Variants in SUCLG2 observed in about 807,000 individuals in gnomAD.
SUCLG2 encodes succinate-CoA ligase GDP-forming subunit beta, also known as succinate--CoA ligase [GDP-forming] subunit beta, mitochondrial.
In SUCLG2, 42 loss-of-function variants were observed where a neutral mutation model predicts 47.9. That is an observed-to-expected ratio of 0.88 (90% CI 0.69 to 1.14). SUCLG2 has a LOEUF of 1.14. Among genes scored for constraint, SUCLG2 ranks in the 50% most tolerant of loss-of-function variants. SUCLG2 has a pLI of 0.00. For synonymous variants in SUCLG2, 195 were observed against 197.3 expected (o/e 0.99, Z 0.10); for missense variants, 571 against 525.9 (o/e 1.09, Z -0.84).
intron 9 of SUCLG2, among the ~76,000 whole-genome samples, chr3:67,477,841 T>C (rs983737954): frequency 6.6e-6 from 1 of 152,180 alleles, no homozygotes; most frequent in Non-Finnish European, 1.5e-5. Context: ...GAATGAATAC[T>C]TATTTTGTGG....
intron 6 of SUCLG2, among the ~76,000 whole-genome samples, chr3:67,511,498 G>A (rs901973236): frequency 6.6e-6 from 1 of 152,002 alleles, no homozygotes. Context: ...ATAAAGGGGG[G>A]GTTCCTCTGC....
At position 67,520,479 on chromosome 3, in the gene SUCLG2, T is replaced by C. The variant is rs1056978786; in HGVS notation, c.570+3A>G. The C allele has an allele frequency of 1.1e-5, 18 of 1,613,884 alleles. No homozygotes were observed. Among genetic ancestry groups the C allele is most frequent in the African/African-American group, 2.7e-5 (2 of 74,940 alleles). ...TAGCAGGTAGCCCGGAATTTAAACA[T>C]ACCTTAAAAATGAGCTCCGGGTTTG... is the stretch of plus-strand genomic sequence containing the variant. On this transcript the variant is annotated splice_donor_region_variant and intron_variant, in intron 5 of 10. Coordinates refer to ENST00000307227, the MANE Select transcript of SUCLG2 (RefSeq NM_003848.4).
chr3:67,461,116 G>A (rs114453627), intron 9 of SUCLG2, among the ~76,000 whole-genome samples: 45 of 152,112 alleles, frequency 3.0e-4, no homozygotes, highest in African/African-American at 1.0e-3. Context: ...CTATGACAAG[G>A]GACTGCTCTT....
chr3:67,636,277 A>G (rs1448011737), intron 1 of SUCLG2, among the ~76,000 whole-genome samples: 3 of 151,996 alleles, frequency 2.0e-5, no homozygotes, highest in Non-Finnish European at 4.4e-5. Context: ...CACACAAAGT[A>G]TGGTAATAGA....
chr3:67,542,018 C>A (rs748997531), intron 2 of SUCLG2, among the ~76,000 whole-genome samples: 5 of 151,908 alleles, frequency 3.3e-5, no homozygotes, highest in Non-Finnish European at 5.9e-5. Context: ...GGATTACAGG[C>A]ATGCACCACC....
chr3:67,585,830 T>C (rs781617049), intron 2 of SUCLG2, among the ~76,000 whole-genome samples: 30 of 151,596 alleles, frequency 2.0e-4, no homozygotes, highest in Non-Finnish European at 4.4e-4. Context: ...CGGGCATCCA[T>C]GTGGTGGGTG....
chr3:67,572,023 G>A (rs1394488338), intron 2 of SUCLG2, among the ~76,000 whole-genome samples: 2 of 152,188 alleles, frequency 1.3e-5, no homozygotes, highest in East Asian at 1.9e-4. Context: ...AAAGGAGATT[G>A]TAGTCCACCT....
intron 2 of SUCLG2, among the ~76,000 whole-genome samples, chr3:67,548,858 A>G (rs930657732): frequency 6.6e-5 from 10 of 152,182 alleles, no homozygotes; most frequent in Non-Finnish European, 1.0e-4. Context: ...AGAGGCACCC[A>G]ACAGGTATGA....
At chr3:67,437,802 A>C (rs929361746) in intron 9 of SUCLG2, among the ~76,000 whole-genome samples, 1 of 152,166 alleles carries the variant, frequency 6.6e-6, no homozygotes, top group African/African-American at 2.4e-5. Flanking sequence ...AGAATAATTT[A>C]ATTACTACCA....
chr3:67,579,985 T>C (rs1353834295), intron 2 of SUCLG2, among the ~76,000 whole-genome samples: 2 of 151,938 alleles, frequency 1.3e-5, no homozygotes, highest in East Asian at 3.9e-4. Flanking sequence ...ATCAAGGAGG[T>C]GAGTCAACAA....
chr3:67,520,729 A>G (rs889163871), intron 4 of SUCLG2, 95 bp from the exon 5 acceptor site: 21 of 1,417,998 alleles, frequency 1.5e-5, no homozygotes, highest in Non-Finnish European at 1.9e-5. Flanking sequence ...AAATGGCTTC[A>G]TTTTCAGGCT....
At chr3:67,433,801 T>TA (rs74541880) in intron 9 of SUCLG2, among the ~76,000 whole-genome samples, 2,942 of 134,708 alleles carry the variant, frequency 0.022, 28 homozygotes, top group Admixed American at 0.039. Context: ...CGGGATTTAG[T>TA]AAAAAAAAAA....
chr3:67,402,267 G>C (rs1488175076), intron 9 of SUCLG2, among the ~76,000 whole-genome samples: 1 of 152,126 alleles, frequency 6.6e-6, no homozygotes, highest in Non-Finnish European at 1.5e-5. Context: ...TACTTAATGG[G>C]TATTTACACT....
intron 1 of SUCLG2, among the ~76,000 whole-genome samples, chr3:67,610,956 T>C (rs549106842): frequency 6.6e-5 from 10 of 152,296 alleles, no homozygotes; most frequent in Admixed American, 2.6e-4. Context: ...CTTAAACTTC[T>C]CTGTATCTCT....
At chr3:67,528,277 T>A in intron 3 of SUCLG2, 55 bp from the exon 4 acceptor site, 1 of 1,511,518 alleles carries the variant, frequency 6.6e-7, no homozygotes. Flanking sequence ...ATCATTTAAA[T>A]GAGAGTCCTT....
chr3:67,367,328 A>G (rs934971065), intron 10 of SUCLG2, among the ~76,000 whole-genome samples: 1 of 152,212 alleles, frequency 6.6e-6, no homozygotes, highest in Non-Finnish European at 1.5e-5. Flanking sequence ...AGAACAGTAT[A>G]ACTTACATAA....
chr3:67,652,363 G>A (rs1009832069), intron 1 of SUCLG2, among the ~76,000 whole-genome samples: 1 of 152,160 alleles, frequency 6.6e-6, no homozygotes, highest in Non-Finnish European at 1.5e-5. Flanking sequence ...TATAAAATAG[G>A]TCTGGGCCAA....
intron 5 of SUCLG2, among the ~76,000 whole-genome samples, chr3:67,519,290 C>A (rs1322697519): frequency 2.0e-5 from 3 of 152,172 alleles, no homozygotes; most frequent in African/African-American, 7.2e-5. Context: ...TCTTACCTTG[C>A]ACCCTGTGCT....
chr3:67,490,313 G>A (rs912333739), intron 9 of SUCLG2, among the ~76,000 whole-genome samples: 4 of 152,066 alleles, frequency 2.6e-5, no homozygotes, highest in South Asian at 2.1e-4. Context: ...ATATTAAAAC[G>A]TAAGGCATTT....
Sources: allele counts gnomAD v4.1 joint callset (sites outside exome capture counted in the v4.1 genomes callset), GRCh38; gene constraint gnomAD v4.1.1; transcripts MANE v1.5; gene names NCBI Gene and HGNC (gene_info 2026-07-23, HGNC 2026-07-21).